The following CCDC80 variants were observed in gnomAD, a reference collection of about 807,000 sequenced individuals.
CCDC80 encodes coiled-coil domain containing 80, also known as coiled-coil domain-containing protein 80.
Under a neutral mutation model 78.7 loss-of-function variants are expected in CCDC80, and 49 were observed. The ratio of observed to expected loss-of-function variants is 0.62; its 90% CI spans 0.50 to 0.79. CCDC80 has a LOEUF of 0.79. Ranked by LOEUF, CCDC80 falls within the 30% of genes least tolerant of loss-of-function variation. The pLI is 0.00. For synonymous variants in CCDC80, 488 were observed against 447.0 expected (o/e 1.09, Z -1.16); for missense variants, 1,205 against 1,198.6 (o/e 1.01, Z -0.08).
chr3:112,639,228 C>T lies in CCDC80; in HGVS notation c.678G>A (p.Leu226=), dbSNP rs770705707. 2.5e-6 allele frequency: 4 copies of T among 1,614,196 alleles called. No individual in the cohort carries two copies. The highest frequency in any genetic ancestry group is 1.1e-5 in the South Asian group (1 of 91,084). Reference sequence around the variant, plus strand: ...TGCCAAACTTGCCCTTCTCCAGCTTCAGGAAGCTCATCAGCTTAGGGATGA... The same window carrying T: ...TGCCAAACTTGCCCTTCTCCAGCTTTAGGAAGCTCATCAGCTTAGGGATGA... ...PSLIPKLMSF[L]KLEKGKFGMV... is the part of the protein sequence containing the mutation. Residue 226 remains leucine (L), a synonymous_variant, in exon 2 of 8, where the codon CTG becomes CTA. Coordinates refer to ENST00000206423, the MANE Select transcript of CCDC80 (RefSeq NM_199511.3).
rs754839991 is a variant in CCDC80, at chr3:112,616,874, CAG to C, written c.2173-18_2173-17del. The C allele has an allele frequency of 3.7e-6, 6 of 1,611,788 alleles. No homozygotes were observed. Among genetic ancestry groups the C allele is most frequent in the Admixed American group, 1.7e-5 (1 of 60,000 alleles). On this transcript the variant is annotated splice_polypyrimidine_tract_variant and intron_variant, in intron 4 of 7. Transcript: ENST00000206423. ...CATAGTATTGCTGTTTAAGAAAAAA[CAG>C]AATGCATTTAATGTACAAGTGCATT...
At chr3:112,631,630 G>A in intron 2 of CCDC80, among the ~76,000 whole-genome samples, 1 of 151,860 alleles carries the variant, frequency 6.6e-6, no homozygotes, top group South Asian at 2.1e-4. Context: ...TATTACCTTG[G>A]CATTTTTCAG....
intron 4 of CCDC80, among the ~76,000 whole-genome samples, chr3:112,617,076 A>G (rs1935767691): frequency 6.6e-6 from 1 of 152,152 alleles, no homozygotes; most frequent in African/African-American, 2.4e-5. Flanking sequence ...TTTACAAGTA[A>G]TTCTTAACTA....
chr3:112,611,386 T>C (rs576574465), intron 5 of CCDC80, among the ~76,000 whole-genome samples: 1 of 152,248 alleles, frequency 6.6e-6, no homozygotes, highest in East Asian at 1.9e-4. Context: ...GACGTTGACA[T>C]TATCCATCAC....
At position 112,639,839 on chromosome 3, in the gene CCDC80, G is replaced by T. The variant is rs563853212; in HGVS notation, c.67C>A (p.Pro23Thr). The change falls in exon 2 of 8, where the codon CCC becomes ACC. Residue 23 changes from proline (P) to threonine (T), a missense_variant. Pro to Thr is a conservative substitution (Grantham distance 38, BLOSUM62 -1). Transcript: ENST00000206423. ...CCTCTAATAGTGGCATGGGGGTGGG[G>T]TTCTGATCCACACACTAGCCACATG... ...LAMWLVCGSE[P>T]HPHATIRGSH... is the part of the protein sequence containing the mutation. The T allele has an allele frequency of 1.6e-5, 26 of 1,614,060 alleles. No individual in the cohort carries two copies. The Admixed American group carries it at 3.3e-4, about 21-fold the overall frequency.
chr3:112,623,333 T>C (rs1042964742), intron 3 of CCDC80, among the ~76,000 whole-genome samples: 8 of 152,232 alleles, frequency 5.3e-5, no homozygotes, highest in African/African-American at 1.9e-4. Context: ...GTGCTAGGCA[T>C]TACGCTTAAA....
chr3:112,620,203 T>C (rs1472430967), intron 3 of CCDC80, among the ~76,000 whole-genome samples: 6 of 152,246 alleles, frequency 3.9e-5, no homozygotes, highest in South Asian at 2.1e-4. Flanking sequence ...ACAATTTAAC[T>C]GTTACTTTTA....
At chr3:112,636,187 C>A (rs529060481) in intron 2 of CCDC80, among the ~76,000 whole-genome samples, 8 of 152,302 alleles carry the variant, frequency 5.3e-5, no homozygotes, top group African/African-American at 1.9e-4. Flanking sequence ...ACCACTAATT[C>A]TTTCCCATGC....
At position 112,600,683 on chromosome 3, in the gene CCDC80, T is replaced by C. The variant is rs1935359063; in HGVS notation, c.*4734A>G. ...TACCCAGCTAATTTTTTGTATTTTT[T>C]TGTAGAGACAGGGTTTTGCCGTGTT... is the stretch of plus-strand genomic sequence containing the variant. On this transcript the variant is annotated 3_prime_UTR_variant, in exon 8 of 8. Coordinates refer to ENST00000206423, the MANE Select transcript of CCDC80 (RefSeq NM_199511.3). 2 of 152,568 alleles carry C rather than the reference T, an allele frequency of 1.3e-5. No homozygotes were observed. Among genetic ancestry groups the C allele is most frequent in the Admixed American group, 1.3e-4 (2 of 15,270 alleles). The allele number at this position is 152,568 out of a possible 1,614,324, so 9.5% of individuals were successfully genotyped here.
intron 6 of CCDC80, among the ~76,000 whole-genome samples, chr3:112,609,335 A>C (rs1375570327): frequency 6.6e-6 from 1 of 152,228 alleles, no homozygotes; most frequent in Non-Finnish European, 1.5e-5. Flanking sequence ...ATTCGTTTTC[A>C]AAATTCTGAG....
intron 3 of CCDC80, among the ~76,000 whole-genome samples, chr3:112,622,291 C>T (rs981218877): frequency 2.0e-5 from 3 of 152,142 alleles, no homozygotes; most frequent in Admixed American, 6.5e-5. Flanking sequence ...AAACATTTTG[C>T]ACTCCCAGAT....
At chr3:112,632,284 T>C (rs993795455) in intron 2 of CCDC80, among the ~76,000 whole-genome samples, 18 of 152,292 alleles carry the variant, frequency 1.2e-4, no homozygotes, top group Admixed American at 3.9e-4. Context: ...ATAAAATGAA[T>C]GTTTAAGTAA....
rs575222829 is a variant in CCDC80 at position 112,600,396 on chromosome 3, A to G, written c.*5021T>C. The G allele has an allele frequency of 3.2e-4, 48 of 152,326 alleles. No homozygotes were observed. The highest frequency in any genetic ancestry group is 1.2e-3 in the African/African-American group (48 of 41,568). 9.4% of individuals were successfully genotyped at this position (152,326 alleles called of 1,614,324 possible). ...AAGTAATCTCAGGTTGTAAAAAAGA[A>G]CTATCTTTTTTTGGTTGCAGGAGCT... On this transcript the variant is annotated 3_prime_UTR_variant, in exon 8 of 8. Transcript: ENST00000206423.
At chr3:112,618,193 TG>T (rs1394013970) in intron 4 of CCDC80, among the ~76,000 whole-genome samples, 8 of 152,236 alleles carry the variant, frequency 5.3e-5, no homozygotes, top group African/African-American at 1.9e-4. Context: ...TCAGAACTTT[TG>T]TCCGCAAGCA....
intron 4 of CCDC80, among the ~76,000 whole-genome samples, 193 bp downstream of exon 4, chr3:112,618,775 T>A (rs1935803729): frequency 6.6e-6 from 1 of 152,210 alleles, no homozygotes; most frequent in South Asian, 2.1e-4. Context: ...TCACTCCAAC[T>A]CAGTCTTTGT....
chr3:112,607,339 A>G (rs1935534100), intron 6 of CCDC80, 83 bp from the exon 7 acceptor site: 1 of 959,106 alleles, frequency 1.0e-6, no homozygotes, highest in African/African-American at 1.7e-5. Flanking sequence ...TCTGACAATT[A>G]AAAATCTCTT....
intron 3 of CCDC80, among the ~76,000 whole-genome samples, chr3:112,624,284 T>C (rs1438408457): frequency 6.6e-6 from 1 of 152,230 alleles, no homozygotes; most frequent in Non-Finnish European, 1.5e-5. Flanking sequence ...AAAACATATT[T>C]GTAAGGCATT....
intron 5 of CCDC80, among the ~76,000 whole-genome samples, chr3:112,613,925 A>G (rs1241859998): frequency 6.6e-6 from 1 of 151,946 alleles, no homozygotes; most frequent in Non-Finnish European, 1.5e-5. Context: ...TGTGAAGCTT[A>G]AGAGAATTTG....
At position 112,638,485 on chromosome 3, in the gene CCDC80, C is replaced by T; in HGVS notation, c.1421G>A (p.Gly474Asp). The change falls in exon 2 of 8, where the codon GGC (glycine) becomes GAC (aspartate). Residue 474 changes from glycine (G) to aspartate (D), a missense_variant. Transcript: ENST00000206423. Reference protein sequence around the residue: ...RDNRMDRREHGHRDPNVVPGP... With the variant: ...RDNRMDRREHDHRDPNVVPGP... Reference sequence around the variant, plus strand: ...TGGCACCACATTTGGGTCTCGGTGGCCATGTTCCCGCCTGTCCATGCGGTT... The same window carrying T: ...TGGCACCACATTTGGGTCTCGGTGGTCATGTTCCCGCCTGTCCATGCGGTT... 2 of 1,609,154 alleles carry T rather than the reference C, an allele frequency of 1.2e-6. No homozygotes were observed. Among genetic ancestry groups the T allele is most frequent in the East Asian group, 2.2e-5 (1 of 44,624 alleles).
Sources: allele counts gnomAD v4.1 joint callset (sites outside exome capture counted in the v4.1 genomes callset), GRCh38; gene constraint gnomAD v4.1.1; transcripts MANE v1.5; gene names NCBI Gene and HGNC (gene_info 2026-07-23, HGNC 2026-07-21).